The following PLCE1 variants were observed in gnomAD, a reference collection of about 807,000 sequenced individuals.
PLCE1 encodes 1-phosphatidylinositol 4,5-bisphosphate phosphodiesterase epsilon-1.
A neutral mutation model predicts 242.8 loss-of-function variants in PLCE1; 119 were observed. The observed-to-expected ratio is 0.49, with a 90% CI of 0.42 to 0.57. The LOEUF is 0.57. PLCE1 is among the 20% of genes least tolerant of loss of function. The probability of loss-of-function intolerance (pLI) is 0.00; values close to 1 mark genes in which losing one functional copy is unlikely to be tolerated. For missense variants in PLCE1, 2,441 were observed against 2,788.8 expected, an observed-to-expected ratio of 0.88 and a Z score of 2.81; for synonymous variants, 945 against 1,017.4, an observed-to-expected ratio of 0.93 and a Z score of 1.35.
chr10:94,167,767 T>G (rs2047855198), intron 3 of PLCE1, among the ~76,000 whole-genome samples: 2 of 149,518 alleles, frequency 1.3e-5, no homozygotes, highest in East Asian at 2.0e-4. Context: ...CTTGCGATAG[T>G]TTGCTGAGAA....
chr10:94,234,835 G>A (rs1462665372), intron 6 of PLCE1, among the ~76,000 whole-genome samples: 1 of 152,160 alleles, frequency 6.6e-6, no homozygotes, highest in African/African-American at 2.4e-5. Context: ...GATTCCCAGA[G>A]CAGAAGGGAC....
intron 2 of PLCE1, among the ~76,000 whole-genome samples, chr10:94,063,226 C>A (rs756513775): frequency 6.6e-6 from 1 of 152,218 alleles, no homozygotes; most frequent in Non-Finnish European, 1.5e-5. Context: ...TAACTGAAGA[C>A]ATCACATACT....
chr10:94,170,558 T>A (rs2047940575), intron 3 of PLCE1, among the ~76,000 whole-genome samples: 1 of 152,184 alleles, frequency 6.6e-6, no homozygotes, highest in African/African-American at 2.4e-5. Context: ...TTTAGATACA[T>A]CTCCTTATTA....
At chr10:94,034,369 A>G (rs1313737433) in intron 2 of PLCE1, among the ~76,000 whole-genome samples, 2 of 152,200 alleles carry the variant, frequency 1.3e-5, no homozygotes, top group African/African-American at 4.8e-5. Flanking sequence ...TCCATGTTGT[A>G]CAATCATCTT....
At chr10:94,325,308 AG>A in intron 32 of PLCE1, 1 of 510,492 alleles carries the variant, frequency 2.0e-6, no homozygotes, top group Non-Finnish European at 3.5e-6. Context: ...ATAAAGAAAA[AG>A]GGAAAGAGGC....
chr10:94,012,978 C>T (rs959264120), intron 1 of PLCE1, among the ~76,000 whole-genome samples: 5 of 152,114 alleles, frequency 3.3e-5, no homozygotes, highest in African/African-American at 7.2e-5. Flanking sequence ...ACTGTCTCCC[C>T]AACTCCACTG....
chr10:94,123,170 G>A (rs139426720), intron 2 of PLCE1, among the ~76,000 whole-genome samples: 18 of 152,236 alleles, frequency 1.2e-4, no homozygotes, highest in Non-Finnish European at 1.3e-4. Flanking sequence ...ATTTCTTGCC[G>A]GAACCCAGGG....
intron 2 of PLCE1, among the ~76,000 whole-genome samples, chr10:94,080,326 T>G (rs138004996): frequency 6.6e-6 from 1 of 152,294 alleles, no homozygotes; most frequent in African/African-American, 2.4e-5. Flanking sequence ...CCAGCCTCTT[T>G]TTACCTGGTT....
intron 22 of PLCE1, chr10:94,287,207 A>G (rs1023524372): frequency 7.3e-6 from 1 of 136,344 alleles, no homozygotes; most frequent in Non-Finnish European, 1.7e-5. Flanking sequence ...GGTATAGTGT[A>G]TTTTCTCTTT....
At chr10:94,042,435 T>C (rs762024007) in intron 2 of PLCE1, among the ~76,000 whole-genome samples, 1 of 152,208 alleles carries the variant, frequency 6.6e-6, no homozygotes, top group African/African-American at 2.4e-5. Flanking sequence ...TGTCACACCA[T>C]GTTAGCACTT....
intron 2 of PLCE1, among the ~76,000 whole-genome samples, chr10:94,086,386 A>G (rs1336084170): frequency 1.3e-5 from 2 of 152,192 alleles, no homozygotes; most frequent in African/African-American, 4.8e-5. Context: ...TTTGCTTGTA[A>G]GCCAAAATTA....
At chr10:93,994,419 C>G (rs1425859375) in intron 1 of PLCE1, among the ~76,000 whole-genome samples, 161 bp downstream of exon 1, 1 of 152,240 alleles carries the variant, frequency 6.6e-6, no homozygotes, top group Non-Finnish European at 1.5e-5. Context: ...GGCGGGCGGT[C>G]CTCCAGGGCA....
chr10:94,136,728 C>T (rs929533679), intron 3 of PLCE1, among the ~76,000 whole-genome samples: 2 of 152,184 alleles, frequency 1.3e-5, no homozygotes, highest in African/African-American at 4.8e-5. Context: ...TCAGTGCCAC[C>T]AAAGGTCATC....
intron 24 of PLCE1, among the ~76,000 whole-genome samples, chr10:94,303,405 A>G (rs2053102898): frequency 6.6e-6 from 1 of 152,244 alleles, no homozygotes; most frequent in African/African-American, 2.4e-5. Flanking sequence ...CCAATTGTTC[A>G]TCAAAGTACT....
rs1393290706 is a variant in PLCE1, at chr10:94,171,444, C to T, written c.1757C>T (p.Thr586Ile). 2 of 1,614,196 alleles carry T rather than the reference C, an allele frequency of 1.2e-6. No homozygotes were observed. The highest frequency in any genetic ancestry group is 2.2e-5 in the South Asian group (2 of 91,084). Residue 586 changes from threonine to isoleucine, a missense_variant, in exon 4 of 33, where the codon ACT (threonine) becomes ATT (isoleucine). Physicochemically the swap from Thr to Ile is moderately conservative, Grantham distance 89. Around this residue, in one of 5 missense-constraint regions of PLCE1, gnomAD observed 733 missense variants for 754.2 expected, o/e 0.97. Transcript: ENST00000371380. ...KASISASILTTQNGEHNALED... is the reference protein window; with the variant it reads ...KASISASILTIQNGEHNALED... ...TCCATCTCAGCGTCGATTCTTACCA[C>T]TCAGAATGGAGAGCACAATGCCCTT... is the stretch of plus-strand genomic sequence containing the variant.
intron 3 of PLCE1, among the ~76,000 whole-genome samples, chr10:94,165,123 T>C (rs1279345119): frequency 2.0e-5 from 3 of 152,230 alleles, no homozygotes; most frequent in Non-Finnish European, 4.4e-5. Flanking sequence ...TTCTCAGATC[T>C]CCAGCTGCGT....
At chr10:94,152,779 T>C (rs917448772) in intron 3 of PLCE1, among the ~76,000 whole-genome samples, 2 of 152,250 alleles carry the variant, frequency 1.3e-5, no homozygotes, top group Admixed American at 1.3e-4. Context: ...TCATTATTAC[T>C]GCTTCCTTTT....
At chr10:94,267,165 G>A (rs2051550332) in intron 16 of PLCE1, among the ~76,000 whole-genome samples, 1 of 151,968 alleles carries the variant, frequency 6.6e-6, no homozygotes, top group African/African-American at 2.4e-5. Context: ...CACATTTGTA[G>A]GTACACACAT....
chr10:94,062,589 T>TTTTG (rs1554847109), intron 2 of PLCE1, among the ~76,000 whole-genome samples: 1 of 124,216 alleles, frequency 8.1e-6, no homozygotes, highest in Non-Finnish European at 1.6e-5. Flanking sequence ...TTTGTTTTTT[T>TTTTG]TTTTGTTTTG....
Sources: gnomAD v4.1 joint callset for allele counts (sites outside exome capture counted in the v4.1 genomes callset) on GRCh38, gnomAD v4.1.1 for gene constraint, gnomAD v4.1.1 regional missense constraint, MANE v1.5 for transcripts, NCBI Gene and HGNC (gene_info 2026-07-23, HGNC 2026-07-21) for gene names.